ALAS1: variants seen among roughly 807,000 people sequenced by gnomAD.
ALAS1 encodes 5-aminolevulinate synthase, non-specific, mitochondrial.
A neutral mutation model predicts 59.6 loss-of-function variants in ALAS1; 29 were observed. That is an observed-to-expected ratio of 0.49 (90% CI 0.36 to 0.66). ALAS1 has a LOEUF of 0.66. ALAS1 is among the 30% of genes least tolerant of loss of function. The probability of loss-of-function intolerance (pLI) is 0.00; values close to 1 mark genes in which losing one functional copy is unlikely to be tolerated. For missense variants in ALAS1, 690 were observed against 807.5 expected (o/e 0.85, Z 1.76); for synonymous variants, 299 against 296.6 (o/e 1.01, Z -0.08).
At position 52,211,671 on chromosome 3, in the gene ALAS1, T is replaced by C. The variant is rs1699413152; in HGVS notation, c.1599+120T>C. On this transcript the variant is annotated intron_variant, in intron 10 of 11. Transcript: ENST00000484952. ...AGCGGGGTGACTGCCAGGGCAGGGG[T>C]TGTAGCCAGCCACCCTCTGTCATGT... 22 of 1,401,860 alleles carry C rather than the reference T, an allele frequency of 1.6e-5. No homozygotes were observed. In the South Asian group the frequency reaches 2.6e-4, roughly 17 times the overall value. 86.8% of individuals were successfully genotyped at this position (1,401,860 alleles called of 1,614,324 possible).
intron 5 of ALAS1, 46 bp from the exon 6 acceptor site, chr3:52,204,647 G>A (rs1372899888): frequency 2.6e-6 from 4 of 1,534,822 alleles, no homozygotes; most frequent in Non-Finnish European, 2.7e-6. Context: ...AAATGCAGCT[G>A]TGTTTCACAA....
chr3:52,212,109 G>T, intron 10 of ALAS1, 149 bp from the exon 11 acceptor site: 1 of 701,030 alleles, frequency 1.4e-6, no homozygotes, highest in Non-Finnish European at 2.4e-6. Flanking sequence ...ACAGGTGTTT[G>T]GGCAGCGCTT....
intron 9 of ALAS1, among the ~76,000 whole-genome samples, chr3:52,209,495 C>T (rs1481613479): frequency 6.6e-6 from 1 of 152,168 alleles, no homozygotes; most frequent in African/African-American, 2.4e-5. Context: ...GCGTGAGCCA[C>T]CACACCCGGC....
At chr3:52,199,484 C>G in intron 3 of ALAS1, 44 bp downstream of exon 3, 2 of 1,577,704 alleles carry the variant, frequency 1.3e-6, no homozygotes, top group Non-Finnish European at 1.7e-6. Flanking sequence ...GGTGTTTGTG[C>G]TCATTGGTAG....
In ALAS1 at chr3:52,199,385, G is replaced by A; in HGVS notation, c.144G>A (p.Leu48=). The part of the protein sequence containing the change: ...EVGAKPAPRA[L]STAAVHYQQI... The stretch of plus-strand genomic sequence containing the variant: ...GGGCCAAGCCAGCCCCTCGGGCATT[G>A]TCCACTGCAGCAGTACACTACCAAC... Residue 48 remains leucine, a synonymous_variant, in exon 3 of 12, where the codon TTG becomes TTA. Transcript: ENST00000484952. 2 of 1,614,170 alleles carry A rather than the reference G, an allele frequency of 1.2e-6. No individual in the cohort carries two copies. The highest frequency in any genetic ancestry group is 1.7e-5 in the Admixed American group (1 of 60,024).
rs765596796 is a variant in ALAS1, at chr3:52,212,396, C to T, written c.1738C>T (p.Pro580Ser). 6.2e-7 allele frequency: 1 copy of T among 1,613,932 alleles called. No homozygotes were observed. Among genetic ancestry groups the T allele is most frequent in the African/African-American group, 1.3e-5 (1 of 74,928 alleles). Residue 580 changes from proline (P) to serine (S), a missense_variant, in exon 11 of 12, where the codon CCC becomes TCC. Physicochemically the swap from Pro to Ser is moderately conservative, Grantham distance 74 (BLOSUM62 -1). Coordinates refer to ENST00000484952, the MANE Select transcript of ALAS1 (RefSeq NM_000688.6). Reference protein sequence around the residue: ...LRIAPTPHHTPQMMNYFLENL... With the variant: ...LRIAPTPHHTSQMMNYFLENL... ...GATTGCCCCCACCCCTCACCACACA[C>T]CCCAGATGATGAACTACTTCCTTGG...
chr3:52,207,292 C>G (rs995160673), intron 8 of ALAS1, among the ~76,000 whole-genome samples: 1 of 152,084 alleles, frequency 6.6e-6, no homozygotes, highest in Admixed American at 6.5e-5. Flanking sequence ...TGTGAGCCAC[C>G]GCACCTGGCC....
intron 11 of ALAS1, 149 bp from the exon 12 acceptor site, chr3:52,213,871 C>G: frequency 1.5e-6 from 1 of 689,256 alleles, no homozygotes; most frequent in Non-Finnish European, 2.4e-6. Context: ...GTTTATCCGT[C>G]TATTGGTGGA....
chr3:52,211,640 G>A (rs1426495427), intron 10 of ALAS1, 89 bp downstream of exon 10: 14 of 1,542,960 alleles, frequency 9.1e-6, no homozygotes, highest in African/African-American at 1.4e-5. Flanking sequence ...CCTGAAGTTG[G>A]GCTTGAGCGG....
intron 8 of ALAS1, among the ~76,000 whole-genome samples, chr3:52,207,175 T>G (rs1699310759): frequency 6.6e-6 from 1 of 152,134 alleles, no homozygotes; most frequent in Admixed American, 6.5e-5. Flanking sequence ...AGCTAATTTT[T>G]TGTATTTTTA....
chr3:52,199,284 C>T lies in ALAS1; in HGVS notation c.43C>T (p.Pro15Ser), dbSNP rs762814249. Reference sequence around the variant, plus strand: ...CCGCTGCCCATTCTTATCCCGAGTCCCCCAGGCCTTTCTGCAGAAAGCAGG... The same window carrying T: ...CCGCTGCCCATTCTTATCCCGAGTCTCCCAGGCCTTTCTGCAGAAAGCAGG... ...VRRCPFLSRVPQAFLQKAGKS... is the reference protein window; with the variant it reads ...VRRCPFLSRVSQAFLQKAGKS... Residue 15 changes from proline (P) to serine (S), a missense_variant, in exon 3 of 12, where the codon CCC becomes TCC. Physicochemically the swap from Pro to Ser is moderately conservative, Grantham distance 74 (BLOSUM62 -1). Transcript: ENST00000484952. 5 of 1,614,184 alleles carry T rather than the reference C, an allele frequency of 3.1e-6. No homozygotes were observed. The Admixed American group carries it at 8.3e-5, about 27-fold the overall frequency.
At chr3:52,199,470 T>C (rs1172335434) in intron 3 of ALAS1, 30 bp downstream of exon 3, 1 of 1,601,296 alleles carries the variant, frequency 6.2e-7, no homozygotes. Context: ...AAGGAGCAGG[T>C]ATGGGTGTTT....
chr3:52,200,896 G>A (rs1192583663), intron 3 of ALAS1, among the ~76,000 whole-genome samples: 4 of 151,900 alleles, frequency 2.6e-5, no homozygotes, highest in African/African-American at 9.7e-5. Flanking sequence ...TTTTCTTTAA[G>A]CAGAAAGGAT....
intron 8 of ALAS1, 23 bp downstream of exon 8, chr3:52,206,774 C>T: frequency 6.2e-7 from 1 of 1,605,344 alleles, no homozygotes; most frequent in Non-Finnish European, 8.5e-7. Flanking sequence ...AGAGGTTCCT[C>T]TGAAACCTAA....
intron 8 of ALAS1, among the ~76,000 whole-genome samples, chr3:52,207,637 C>T (rs995213438): frequency 6.6e-6 from 1 of 152,166 alleles, no homozygotes; most frequent in East Asian, 1.9e-4. Context: ...TCCTCCCACC[C>T]TCCACCCTCA....
chr3:52,209,381 G>A (rs1272565698), intron 9 of ALAS1, among the ~76,000 whole-genome samples: 1 of 151,970 alleles, frequency 6.6e-6, no homozygotes, highest in Non-Finnish European at 1.5e-5. Flanking sequence ...CTAATTTTTT[G>A]TATTTGTAGT....
intron 11 of ALAS1, among the ~76,000 whole-genome samples, chr3:52,213,050 C>T (rs1699445305): frequency 1.3e-5 from 2 of 152,110 alleles, no homozygotes; most frequent in Non-Finnish European, 2.9e-5. Context: ...GGCTTGAGTC[C>T]CCGCTGTCCC....
In ALAS1 at chr3:52,203,899, G is replaced by A; in HGVS notation, c.464G>A (p.Ser155Asn). Residue 155 changes from serine (S) to asparagine (N), a missense_variant, in exon 5 of 12, where the codon AGT becomes AAT. By Grantham distance (46) the Ser-to-Asn change is conservative. Transcript: ENST00000484952. ...ACCTCAGCAGGCCCCAGTGTGGTTA[G>A]TGTGAAAACCGATGGAGGGGATCCC... ...AETSAGPSVV[S>N]VKTDGGDPSG... 1.2e-6 allele frequency: 2 copies of A among 1,612,650 alleles called. No individual in the cohort carries two copies. Among genetic ancestry groups the A allele is most frequent in the Non-Finnish European group, 1.7e-6 (2 of 1,179,226 alleles).
At chr3:52,203,821 TAG>T in intron 4 of ALAS1, 40 bp from the exon 5 acceptor site, 1 of 1,542,620 alleles carries the variant, frequency 6.5e-7, no homozygotes, top group South Asian at 1.2e-5. Context: ...GAACTCAGAA[TAG>T]AAAGTTGGTC....
Sources: allele counts gnomAD v4.1 joint callset (sites outside exome capture counted in the v4.1 genomes callset), GRCh38; gene constraint gnomAD v4.1.1; transcripts MANE v1.5; gene names NCBI Gene and HGNC (gene_info 2026-07-23, HGNC 2026-07-21).